The following CDCA2 variants were observed in gnomAD, a reference collection of about 807,000 sequenced individuals.
The protein encoded by CDCA2 is cell division cycle-associated protein 2.
CDCA2 carries 44 observed loss-of-function variants against 67.0 expected under a neutral mutation model. That is an observed-to-expected ratio of 0.66 (90% CI 0.52 to 0.84). The LOEUF is 0.84. Ranked by LOEUF, CDCA2 falls within the 40% of genes least tolerant of loss-of-function variation. CDCA2 has a pLI of 0.00. For synonymous variants in CDCA2, 447 were observed against 418.7 expected, an observed-to-expected ratio of 1.07 and a Z score of -0.82; for missense variants, 1,253 against 1,203.2, an observed-to-expected ratio of 1.04 and a Z score of -0.61.
intron 11 of CDCA2, among the ~76,000 whole-genome samples, chr8:25,486,300 C>T (rs1469301706): frequency 6.6e-6 from 1 of 152,144 alleles, no homozygotes; most frequent in Non-Finnish European, 1.5e-5. Flanking sequence ...TTCTGACAAA[C>T]CAGGACTTAG....
At chr8:25,473,050 T>A (rs974966709) in intron 7 of CDCA2, among the ~76,000 whole-genome samples, 3 of 152,190 alleles carry the variant, frequency 2.0e-5, no homozygotes, top group Non-Finnish European at 4.4e-5. Context: ...ACTATTCAAC[T>A]CTTTACTTCA....
Position 25,475,451 on chromosome 8 carries a change from G to A in CDCA2, c.821-4462G>A, listed in dbSNP as rs576738469. On this transcript the variant is annotated intron_variant, in intron 7 of 14. Coordinates refer to ENST00000330560, the MANE Select transcript of CDCA2 (RefSeq NM_152562.4). ...GGAGAATTGCTTGAACCCAGGAGGCGGAGGTTGCAGTGAGCCGAGATTGCA... is the reference window on the plus strand; with the variant it reads ...GGAGAATTGCTTGAACCCAGGAGGCAGAGGTTGCAGTGAGCCGAGATTGCA... 9.2e-5 allele frequency among the ~76,000 whole-genome samples: 14 copies of A among 152,228 alleles called. No homozygotes were observed. The East Asian group carries it at 1.4e-3, about 15-fold the overall frequency.
At chr8:25,473,763 A>T (rs866030867) in intron 7 of CDCA2, among the ~76,000 whole-genome samples, 12 of 152,238 alleles carry the variant, frequency 7.9e-5, no homozygotes, top group African/African-American at 2.4e-4. Context: ...TCTGATACAT[A>T]TTTTTTTCAT....
Position 25,500,979 on chromosome 8 carries a change from C to A in CDCA2, c.1672-2394C>A, listed in dbSNP as rs145061811. On this transcript the variant is annotated intron_variant, in intron 13 of 14. Transcript: ENST00000330560. Reference sequence around the variant, plus strand: ...ATTTTTTTTATTTATTTATTTTTTGCAACTTATCTGTGAGCCCCAAGTTAA... The same window carrying A: ...ATTTTTTTTATTTATTTATTTTTTGAAACTTATCTGTGAGCCCCAAGTTAA... 3.9e-4 allele frequency among the ~76,000 whole-genome samples: 60 copies of A among 152,210 alleles called. 1 individual carries two copies. In the East Asian group the frequency reaches 0.01, roughly 26 times the overall value.
In CDCA2 at chr8:25,506,818, A is replaced by G. The variant is rs772191229; in HGVS notation, c.2152A>G (p.Thr718Ala). The part of the protein sequence containing the change: ...TDSPVSCASV[T>A]EERVASDSPK... ...CAGTCCTGTTTCTTGTGCTTCTGTA[A>G]CTGAAGAACGTGTGGCATCAGATAG... Residue 718 changes from threonine (T) to alanine (A), a missense_variant, in exon 15 of 15, where the codon ACT (threonine) becomes GCT (alanine). Thr to Ala is a moderately conservative substitution (Grantham distance 58). Coordinates refer to ENST00000330560, the MANE Select transcript of CDCA2 (RefSeq NM_152562.4). 6.2e-7 allele frequency: 1 copy of G among 1,614,104 alleles called. No homozygotes were observed. Among genetic ancestry groups the G allele is most frequent in the Non-Finnish European group, 8.5e-7 (1 of 1,180,022 alleles).
At chr8:25,468,904 A>C (rs1409637492) in intron 6 of CDCA2, among the ~76,000 whole-genome samples, 1 of 152,204 alleles carries the variant, frequency 6.6e-6, no homozygotes, top group Non-Finnish European at 1.5e-5. Flanking sequence ...GATGGAAATC[A>C]GGGTGCCATT....
At position 25,483,986 on chromosome 8, in the gene CDCA2, G is replaced by A. The variant is rs780706539; in HGVS notation, c.1141G>A (p.Ala381Thr). ...TATAGAAGATGAAGAAAATTTTGAA[G>A]CACCTGCCTTTCTAAATATGAGGAA... is the stretch of plus-strand genomic sequence containing the variant. ...KEAEDEENFEAPAFLNMRKRK... is the reference protein window; with the variant it reads ...KEAEDEENFETPAFLNMRKRK... Residue 381 changes from alanine (A) to threonine (T), a missense_variant, in exon 10 of 15, where the codon GCA becomes ACA. Transcript: ENST00000330560. 4 of 1,613,482 alleles carry A rather than the reference G, an allele frequency of 2.5e-6. No individual in the cohort carries two copies. The East Asian group carries it at 8.9e-5, about 36-fold the overall frequency.
chr8:25,477,004 C>T (rs1803378777), intron 7 of CDCA2, among the ~76,000 whole-genome samples: 1 of 152,116 alleles, frequency 6.6e-6, no homozygotes, highest in South Asian at 2.1e-4. Flanking sequence ...TTCCCTTTGC[C>T]CCAGGATTGC....
chr8:25,464,671 A>G (rs1321406950), intron 4 of CDCA2, among the ~76,000 whole-genome samples: 1 of 152,218 alleles, frequency 6.6e-6, no homozygotes, highest in East Asian at 1.9e-4. Context: ...TGTTCCTAGG[A>G]TATTAAATCT....
intron 11 of CDCA2, among the ~76,000 whole-genome samples, chr8:25,486,506 A>G (rs192328902): frequency 8.8e-4 from 134 of 152,216 alleles, no homozygotes; most frequent in Non-Finnish European, 1.5e-3. Flanking sequence ...CCTTTCATTT[A>G]TATCATTAAA....
chr8:25,490,539 G>A (rs939178164), intron 13 of CDCA2, among the ~76,000 whole-genome samples: 5 of 152,138 alleles, frequency 3.3e-5, no homozygotes, highest in South Asian at 2.1e-4. Context: ...GCTGGGAGCC[G>A]GCCTGTTCAT....
intron 14 of CDCA2, among the ~76,000 whole-genome samples, chr8:25,505,978 G>A (rs1333427513): frequency 2.0e-5 from 3 of 152,122 alleles, no homozygotes; most frequent in African/African-American, 7.2e-5. Context: ...GTTCTGTTTC[G>A]GAGTACAGTG....
At chr8:25,463,213 G>C (rs1029872217) in intron 4 of CDCA2, among the ~76,000 whole-genome samples, 2 of 152,116 alleles carry the variant, frequency 1.3e-5, no homozygotes, top group Non-Finnish European at 2.9e-5. Flanking sequence ...GAGAGGAGTA[G>C]ATTATTTATC....
At chr8:25,468,990 C>T (rs1440399392) in intron 6 of CDCA2, among the ~76,000 whole-genome samples, 1 of 152,206 alleles carries the variant, frequency 6.6e-6, no homozygotes, top group Non-Finnish European at 1.5e-5. Flanking sequence ...TAAACCCTGT[C>T]AAGACGATCA....
At chr8:25,497,030 A>AT (rs1804250184) in intron 13 of CDCA2, among the ~76,000 whole-genome samples, 1 of 151,714 alleles carries the variant, frequency 6.6e-6, no homozygotes, top group African/African-American at 2.4e-5. Context: ...CCTAAGCAAA[A>AT]TTTTGGGGAG....
chr8:25,507,472 T>C lies in CDCA2; in HGVS notation c.2806T>C (p.Ser936Pro). 6.2e-7 allele frequency: 1 copy of C among 1,613,862 alleles called. No individual in the cohort carries two copies. The highest frequency in any genetic ancestry group is 8.5e-7 in the Non-Finnish European group (1 of 1,179,962). Residue 936 changes from serine to proline, a missense_variant, in exon 15 of 15, where the codon TCT becomes CCT. Physicochemically the swap from Ser to Pro is moderately conservative, Grantham distance 74. Coordinates refer to ENST00000330560, the MANE Select transcript of CDCA2 (RefSeq NM_152562.4). The stretch of plus-strand genomic sequence containing the variant: ...TGACAGCAGTGGATTTGAAAGTATG[T>C]CTCCCATAAAAGAAACTGTGTCCTC... ...TFDSSGFESM[S>P]PIKETVSSRQ...
At chr8:25,480,280 A>C (rs894148030) in intron 8 of CDCA2, among the ~76,000 whole-genome samples, 156 bp downstream of exon 8, 1 of 152,090 alleles carries the variant, frequency 6.6e-6, no homozygotes, top group Non-Finnish European at 1.5e-5. Flanking sequence ...TATTAACAAC[A>C]CTGGGTGTAG....
rs201089853 is a variant in CDCA2 at position 25,507,531 on chromosome 8, A to G, written c.2865A>G (p.Ser955=). 4.2e-5 allele frequency: 68 copies of G among 1,613,908 alleles called. No individual in the cohort carries two copies. The highest frequency in any genetic ancestry group is 6.8e-6 in the Non-Finnish European group (8 of 1,180,002). ...AACCGCAGATGGCACCTCCCGTCTC[A>G]GATCCAGAAAACAGCCAGGGCCCTG... The part of the protein sequence containing the change: ...RQKPQMAPPV[S]DPENSQGPAA... Residue 955 remains serine (S), a synonymous_variant, in exon 15 of 15, where the codon TCA becomes TCG. Transcript: ENST00000330560.
chr8:25,466,514 C>T (rs1802908408), intron 5 of CDCA2, among the ~76,000 whole-genome samples, 189 bp downstream of exon 5: 1 of 151,968 alleles, frequency 6.6e-6, no homozygotes, highest in South Asian at 2.1e-4. Flanking sequence ...GAAAAAAAAA[C>T]CTGTTATCAG....
Sources: allele counts gnomAD v4.1 joint callset (sites outside exome capture counted in the v4.1 genomes callset), GRCh38; gene constraint gnomAD v4.1.1; transcripts MANE v1.5; gene names NCBI Gene and HGNC (gene_info 2026-07-23, HGNC 2026-07-21).